MAMDC2: variants seen among roughly 807,000 people sequenced by gnomAD.
MAMDC2 encodes the protein MAM domain containing 2, also known as MAM domain-containing protein 2.
In MAMDC2, 57 loss-of-function variants were observed where a neutral mutation model predicts 89.8. That is an observed-to-expected ratio of 0.63 (90% CI 0.51 to 0.79). The LOEUF (loss-of-function observed/expected upper bound fraction) is 0.79, where lower values mean the gene tolerates loss of function less well. Ranked by LOEUF, MAMDC2 falls within the 30% of genes least tolerant of loss-of-function variation. The pLI is 0.00. For synonymous variants in MAMDC2, 313 were observed against 293.4 expected (o/e 1.07, Z -0.68); for missense variants, 800 against 820.6 (o/e 0.97, Z 0.31).
Position 70,108,221 on chromosome 9 carries a change from T to G in MAMDC2, c.159T>G (p.Ile53Met). ...CCTTTCTCTTTCCAGGCCATTACAT[T>G]TATGTGGATACCTCCTTTGGCAAGC... ...PWILNEEGHY[I>M]YVDTSFGKQG... is the part of the protein sequence containing the mutation. Residue 53 changes from isoleucine (I) to methionine (M), a missense_variant, in exon 3 of 14, where the codon ATT (isoleucine) becomes ATG (methionine). Ile to Met is a conservative substitution (Grantham distance 10). Transcript: ENST00000377182. The G allele has an allele frequency of 6.3e-7, 1 of 1,595,566 alleles. No individual in the cohort carries two copies. Among genetic ancestry groups the G allele is most frequent in the Non-Finnish European group, 8.5e-7 (1 of 1,172,190 alleles).
chr9:70,108,464 C>A lies in MAMDC2; in HGVS notation c.402C>A (p.Asn134Lys). The change falls in exon 3 of 14, where the codon AAC becomes AAA. Residue 134 changes from asparagine to lysine, a missense_variant. By Grantham distance (94) the Asn-to-Lys change is moderately conservative. Coordinates refer to ENST00000377182, the MANE Select transcript of MAMDC2 (RefSeq NM_153267.5). The stretch of plus-strand genomic sequence containing the variant: ...TCATAGCCAGCTTGGATTTGCAAAA[C>A]AGTTCCAAGAAATTCAAGGTAGGTG... Reference protein sequence around the residue: ...SWLIASLDLQNSSKKFKILIE... With the variant: ...SWLIASLDLQKSSKKFKILIE... 6.2e-7 allele frequency: 1 copy of A among 1,600,074 alleles called. No individual in the cohort carries two copies.
intron 2 of MAMDC2, among the ~76,000 whole-genome samples, chr9:70,097,135 C>A (rs1828049495): frequency 6.6e-6 from 1 of 152,146 alleles, no homozygotes; most frequent in Non-Finnish European, 1.5e-5. Context: ...CTGTTTTCTT[C>A]CATTTCCATC....
At chr9:70,054,939 A>G (rs1019656502) in intron 2 of MAMDC2, among the ~76,000 whole-genome samples, 14 of 152,160 alleles carry the variant, frequency 9.2e-5, no homozygotes, top group African/African-American at 3.4e-4. Context: ...AAGGCCAGGC[A>G]TAGTAGCTCA....
intron 2 of MAMDC2, among the ~76,000 whole-genome samples, chr9:70,053,853 T>C (rs565044023): frequency 1.4e-4 from 21 of 152,210 alleles, no homozygotes; most frequent in Non-Finnish European, 2.8e-4. Flanking sequence ...AGGCTACCCA[T>C]GTATCTAAGG....
chr9:70,069,584 A>G (rs1827354599), intron 2 of MAMDC2, among the ~76,000 whole-genome samples: 2 of 152,228 alleles, frequency 1.3e-5, no homozygotes, highest in Non-Finnish European at 2.9e-5. Flanking sequence ...ATTGAAAGCT[A>G]CTTTGTTCCT....
chr9:70,224,644 C>T lies in MAMDC2; in HGVS notation c.1912-1106C>T, dbSNP rs569780996. 1.4e-4 allele frequency among the ~76,000 whole-genome samples: 21 copies of T among 152,296 alleles called. No homozygotes were observed. In the East Asian group the frequency reaches 3.9e-3, roughly 28 times the overall value. On this transcript the variant is annotated intron_variant, in intron 12 of 13. Coordinates refer to ENST00000377182, the MANE Select transcript of MAMDC2 (RefSeq NM_153267.5). ...TCCTCAACCAATTTGATGGTCCCCA[C>T]TCACATTGGGTGAGGACAGATCTTC...
chr9:70,202,992 A>G (rs1336827467), intron 11 of MAMDC2, among the ~76,000 whole-genome samples: 239 of 151,890 alleles, frequency 1.6e-3, no homozygotes, highest in African/African-American at 5.5e-3. Context: ...ACACTGATGG[A>G]TCTTGACTCT....
chr9:70,074,324 T>A (rs1827479253), intron 2 of MAMDC2, among the ~76,000 whole-genome samples: 1 of 152,236 alleles, frequency 6.6e-6, no homozygotes, highest in Admixed American at 6.5e-5. Context: ...GGCATGTGAC[T>A]GCTGCAGTGA....
intron 11 of MAMDC2, 52 bp downstream of exon 11, chr9:70,170,683 T>C (rs1445625640): frequency 6.7e-7 from 1 of 1,500,716 alleles, no homozygotes; most frequent in Non-Finnish European, 8.9e-7. Flanking sequence ...TAAAATAGCA[T>C]TCTAGGAATC....
intron 2 of MAMDC2, among the ~76,000 whole-genome samples, chr9:70,083,910 T>C (rs563184992): frequency 7.9e-4 from 120 of 152,228 alleles, no homozygotes; most frequent in Admixed American, 2.4e-3. Flanking sequence ...TCAGTAAAGA[T>C]GAGCATGTCC....
chr9:70,218,300 C>T, intron 11 of MAMDC2, 37 bp from the exon 12 acceptor site: 1 of 1,572,696 alleles, frequency 6.4e-7, no homozygotes, highest in Non-Finnish European at 8.6e-7. Flanking sequence ...TAATTTGTGT[C>T]CTTTTTAACA....
chr9:70,215,992 G>T (rs1243806540), intron 11 of MAMDC2, among the ~76,000 whole-genome samples: 1 of 152,156 alleles, frequency 6.6e-6, no homozygotes, highest in African/African-American at 2.4e-5. Flanking sequence ...ACCAATTCTT[G>T]TTTGGATGTC....
Position 70,184,289 on chromosome 9 carries a change from C to T in MAMDC2, c.1651+13658C>T, listed in dbSNP as rs149940185. Among the ~76,000 whole-genome samples, 598 of 152,186 alleles carry T rather than the reference C, an allele frequency of 3.9e-3. 3 individuals carry two copies. The highest frequency in any genetic ancestry group is 0.013 in the African/African-American group (553 of 41,516). ...GGGCTTCCCTTTCTAAGAAACCTGACCTTTCTCTGTGGCTGCCTTTAACAT... is the reference window on the plus strand; with the variant it reads ...GGGCTTCCCTTTCTAAGAAACCTGATCTTTCTCTGTGGCTGCCTTTAACAT... On this transcript the variant is annotated intron_variant, in intron 11 of 13. Coordinates refer to ENST00000377182, the MANE Select transcript of MAMDC2 (RefSeq NM_153267.5).
chr9:70,170,458 A>G (rs775125171), intron 10 of MAMDC2, 21 bp from the exon 11 acceptor site: 1 of 1,591,148 alleles, frequency 6.3e-7, no homozygotes, highest in Non-Finnish European at 8.5e-7. Flanking sequence ...AGTGATTGCA[A>G]CATCTGCTAT....
At chr9:70,110,151 AC>A (rs1438285935) in intron 4 of MAMDC2, among the ~76,000 whole-genome samples, 1 of 152,206 alleles carries the variant, frequency 6.6e-6, no homozygotes. Flanking sequence ...AGAAAAGCAG[AC>A]ATTGTATTAC....
chr9:70,213,363 T>A (rs560592503), intron 11 of MAMDC2, among the ~76,000 whole-genome samples: 1 of 152,218 alleles, frequency 6.6e-6, no homozygotes, highest in Non-Finnish European at 1.5e-5. Context: ...GGTGGGCCTT[T>A]TCAGAGCTCC....
chr9:70,130,983 G>A (rs1257017149), intron 6 of MAMDC2, among the ~76,000 whole-genome samples: 1 of 152,066 alleles, frequency 6.6e-6, no homozygotes, highest in Non-Finnish European at 1.5e-5. Flanking sequence ...GTTCATTCAG[G>A]CTGCTATAAC....
intron 2 of MAMDC2, among the ~76,000 whole-genome samples, chr9:70,072,963 G>A (rs996076142): frequency 1.3e-5 from 2 of 152,152 alleles, no homozygotes; most frequent in South Asian, 4.1e-4. Flanking sequence ...AGCCTCCCGA[G>A]TAGCTGGGAT....
At chr9:70,044,395 G>A (rs977332057) in intron 1 of MAMDC2, among the ~76,000 whole-genome samples, 164 bp downstream of exon 1, 1 of 152,000 alleles carries the variant, frequency 6.6e-6, no homozygotes, top group Non-Finnish European at 1.5e-5. Flanking sequence ...CTGGGGTGGG[G>A]GTGGGGGTGG....
Sources: gnomAD v4.1 joint callset for allele counts (sites outside exome capture counted in the v4.1 genomes callset) on GRCh38, gnomAD v4.1.1 for gene constraint, MANE v1.5 for transcripts, NCBI Gene and HGNC (gene_info 2026-07-23, HGNC 2026-07-21) for gene names.